The following FSTL4 variants were observed in gnomAD, a reference collection of about 807,000 sequenced individuals.
FSTL4 encodes the protein follistatin-related protein 4.
In FSTL4, 28 loss-of-function variants were observed where a neutral mutation model predicts 78.2. The ratio of observed to expected loss-of-function variants is 0.36; its 90% CI spans 0.27 to 0.49. The LOEUF (loss-of-function observed/expected upper bound fraction) is 0.49, where lower values mean the gene tolerates loss of function less well. Ranked by LOEUF, FSTL4 falls within the 20% of genes least tolerant of loss-of-function variation. FSTL4 has a pLI of 0.98. For missense variants in FSTL4, 922 were observed against 1,084.9 expected (o/e 0.85, Z 2.11); for synonymous variants, 422 against 440.5 (o/e 0.96, Z 0.53).
At chr5:133,357,444 C>T (rs1754966421) in intron 4 of FSTL4, among the ~76,000 whole-genome samples, 1 of 152,176 alleles carries the variant, frequency 6.6e-6, no homozygotes, top group South Asian at 2.1e-4. Context: ...AAACAACAAA[C>T]TGGCAGTAAG....
intron 4 of FSTL4, among the ~76,000 whole-genome samples, chr5:133,366,905 T>C (rs936815772): frequency 2.6e-5 from 4 of 152,210 alleles, no homozygotes; most frequent in African/African-American, 9.6e-5. Flanking sequence ...AATTTTTTGG[T>C]GCAGAGCATT....
At chr5:133,601,794 C>T (rs770086438) in intron 2 of FSTL4, among the ~76,000 whole-genome samples, 2 of 151,614 alleles carry the variant, frequency 1.3e-5, no homozygotes, top group Non-Finnish European at 2.9e-5. Context: ...GGTGGTACTG[C>T]CACCTCAGCC....
chr5:133,457,431 C>T (rs141123691), intron 3 of FSTL4, among the ~76,000 whole-genome samples: 123 of 152,356 alleles, frequency 8.1e-4, no homozygotes, highest in African/African-American at 2.9e-3. Flanking sequence ...CATAGACTCA[C>T]CCCTTTCCCC....
intron 2 of FSTL4, among the ~76,000 whole-genome samples, chr5:133,591,957 C>A (rs951225956): frequency 1.3e-5 from 2 of 152,196 alleles, no homozygotes; most frequent in Non-Finnish European, 2.9e-5. Flanking sequence ...GCCACCAAAG[C>A]GTCCCTGATG....
At chr5:133,754,183 G>A in the FSTL4 span, among the ~76,000 whole-genome samples, 3 of 152,210 alleles carry the variant, frequency 2.0e-5, no homozygotes, top group East Asian at 3.9e-4. Context: ...AGAGCAAACC[G>A]GAACCACCTC....
At chr5:133,445,294 G>T (rs926889027) in intron 3 of FSTL4, among the ~76,000 whole-genome samples, 1 of 152,066 alleles carries the variant, frequency 6.6e-6, no homozygotes, top group African/African-American at 2.4e-5. Flanking sequence ...TGGCCTGGCT[G>T]CAGGAGTGCT....
the FSTL4 span, among the ~76,000 whole-genome samples, chr5:133,646,597 G>A: frequency 6.6e-6 from 1 of 152,152 alleles, no homozygotes. Flanking sequence ...CAGCTTTCCA[G>A]GGAAGCGGTA....
the FSTL4 span, among the ~76,000 whole-genome samples, chr5:133,663,165 T>A: frequency 7.9e-5 from 12 of 151,220 alleles, no homozygotes; most frequent in African/African-American, 2.9e-4. Flanking sequence ...CGGTGATGGT[T>A]ACTTGAATCT....
At chr5:133,828,149 G>T in the FSTL4 span, among the ~76,000 whole-genome samples, 9,118 of 152,222 alleles carry the variant, frequency 0.06, 499 homozygotes, top group African/African-American at 0.14. Context: ...ATTCCCTAGG[G>T]GAGGACAAGG....
At chr5:133,666,404 T>C in the FSTL4 span, among the ~76,000 whole-genome samples, 1 of 152,228 alleles carries the variant, frequency 6.6e-6, no homozygotes, top group Non-Finnish European at 1.5e-5. Flanking sequence ...CATTTTATTG[T>C]TCCCTATTCC....
intron 8 of FSTL4, among the ~76,000 whole-genome samples, chr5:133,226,631 C>T (rs763270392): frequency 1.4e-4 from 22 of 152,220 alleles, no homozygotes; most frequent in Non-Finnish European, 2.5e-4. Flanking sequence ...TTTTACTTTA[C>T]ACACTTTCAA....
At position 133,199,042 on chromosome 5, in the gene FSTL4, G is replaced by T; in HGVS notation, c.*53C>A. On this transcript the variant is annotated 3_prime_UTR_variant, in exon 16 of 16. Transcript: ENST00000265342. This position sits in a 1 kb window ranked among gnomAD's most constrained non-coding sequence, Gnocchi z 4.4. Reference sequence around the variant, plus strand: ...ATGTACAGCGTACCTGCTTGAGGCTGCAGTGTCAGGACTAGGGGGTGTTCC... The same window carrying T: ...ATGTACAGCGTACCTGCTTGAGGCTTCAGTGTCAGGACTAGGGGGTGTTCC... 1 of 1,116,566 alleles carries T rather than the reference G, an allele frequency of 9.0e-7. No individual in the cohort carries two copies. The highest frequency in any genetic ancestry group is 1.3e-6 in the Non-Finnish European group (1 of 782,842). The allele number at this position is 1,116,566 out of a possible 1,614,324, so 69.2% of individuals were successfully genotyped here.
chr5:133,341,956 A>T (rs539240337), intron 4 of FSTL4, among the ~76,000 whole-genome samples: 2 of 152,280 alleles, frequency 1.3e-5, no homozygotes, highest in East Asian at 3.9e-4. Flanking sequence ...CTGCTCCAGC[A>T]CTGTCTCCCA....
chr5:133,471,522 T>G (rs191026963), intron 3 of FSTL4, among the ~76,000 whole-genome samples: 328 of 152,304 alleles, frequency 2.2e-3, no homozygotes, highest in Middle Eastern at 0.01. Context: ...CTCTGCCCCT[T>G]CTGCCATGTG....
At chr5:133,640,845 T>G in the FSTL4 span, among the ~76,000 whole-genome samples, 2 of 152,220 alleles carry the variant, frequency 1.3e-5, no homozygotes, top group African/African-American at 4.8e-5. Context: ...ATGCATTTCT[T>G]ATGTACTTAG....
the FSTL4 span, among the ~76,000 whole-genome samples, chr5:133,834,500 C>T: frequency 6.7e-6 from 1 of 149,954 alleles, no homozygotes; most frequent in South Asian, 2.1e-4. Context: ...ATTATATGAG[C>T]CTAATTTTGT....
chr5:133,346,728 G>A (rs984626295), intron 4 of FSTL4, among the ~76,000 whole-genome samples: 1 of 151,896 alleles, frequency 6.6e-6, no homozygotes, highest in African/African-American at 2.4e-5. Context: ...CTGCTCTTAA[G>A]TTTCTTTGTT....
chr5:133,776,465 C>A, the FSTL4 span, among the ~76,000 whole-genome samples: 1 of 152,172 alleles, frequency 6.6e-6, no homozygotes, highest in Non-Finnish European at 1.5e-5. Flanking sequence ...GTACAACAAT[C>A]ATCTCTTGCT....
At chr5:133,209,427 G>A (rs779002221) in intron 14 of FSTL4, among the ~76,000 whole-genome samples, 2 of 152,224 alleles carry the variant, frequency 1.3e-5, no homozygotes, top group East Asian at 1.9e-4. Flanking sequence ...ATCTCCAGAG[G>A]CATCCATTAT....
Sources: gnomAD v4.1 joint callset for allele counts (sites outside exome capture counted in the v4.1 genomes callset) on GRCh38, gnomAD v4.1.1 for gene constraint, Gnocchi (gnomAD v3.1) non-coding constraint, MANE v1.5 for transcripts, NCBI Gene and HGNC (gene_info 2026-07-23, HGNC 2026-07-21) for gene names.